PLS1: variants seen among roughly 807,000 people sequenced by gnomAD.
The protein encoded by PLS1 is plastin 1, also known as plastin-1.
In PLS1, 32 loss-of-function variants were observed where a neutral mutation model predicts 73.7. That is an observed-to-expected ratio of 0.43 (90% CI 0.33 to 0.58). The LOEUF (loss-of-function observed/expected upper bound fraction) is 0.58. Among genes scored for constraint, PLS1 ranks in the 20% least tolerant of loss-of-function variants. The pLI is 0.04. For synonymous variants in PLS1, 217 were observed against 261.3 expected (o/e 0.83, Z 1.63); for missense variants, 633 against 740.5 (o/e 0.85, Z 1.68).
intron 4 of PLS1, among the ~76,000 whole-genome samples, chr3:142,674,559 G>C (rs969362872): frequency 1.3e-5 from 2 of 152,076 alleles, no homozygotes; most frequent in Non-Finnish European, 2.9e-5. Flanking sequence ...TAATAATAAA[G>C]TTGTACAATG....
intron 1 of PLS1, among the ~76,000 whole-genome samples, chr3:142,604,224 AG>A (rs1461943020): frequency 6.6e-6 from 1 of 152,186 alleles, no homozygotes; most frequent in African/African-American, 2.4e-5. Flanking sequence ...CCTTGGACCA[AG>A]GGCTGCTTGG....
chr3:142,663,038 C>A (rs936080885), intron 1 of PLS1, among the ~76,000 whole-genome samples: 1 of 151,648 alleles, frequency 6.6e-6, no homozygotes, highest in African/African-American at 2.4e-5. Context: ...GGTGAAACCA[C>A]GTCTCTACTA....
chr3:142,661,130 A>G (rs1475629411), intron 1 of PLS1, among the ~76,000 whole-genome samples: 1 of 152,218 alleles, frequency 6.6e-6, no homozygotes, highest in African/African-American at 2.4e-5. Context: ...AGCATTTTGC[A>G]GACCCAGGGA....
Position 142,596,429 on chromosome 3 carries a change from G to C in PLS1, c.-117G>C, listed in dbSNP as rs2035816684. 6.6e-6 allele frequency: 1 copy of C among 152,346 alleles called. No individual in the cohort carries two copies. Among genetic ancestry groups the C allele is most frequent in the Non-Finnish European group, 1.5e-5 (1 of 68,124 alleles). 9.4% of individuals were successfully genotyped at this position (152,346 alleles called of 1,614,324 possible). On this transcript the variant is annotated 5_prime_UTR_variant, in exon 1 of 16. Transcript: ENST00000457734. ...CGCAGCGGCTACGCGGGCGCGGAGAGGTAGCCGCAGAGTGGACCTGCAGGT... is the reference window on the plus strand; with the variant it reads ...CGCAGCGGCTACGCGGGCGCGGAGACGTAGCCGCAGAGTGGACCTGCAGGT...
chr3:142,661,905 T>G (rs2037380643), intron 1 of PLS1, among the ~76,000 whole-genome samples: 1 of 152,172 alleles, frequency 6.6e-6, no homozygotes, highest in South Asian at 2.1e-4. Flanking sequence ...TTTATTCCTT[T>G]ACTTTCTTAA....
intron 1 of PLS1, among the ~76,000 whole-genome samples, chr3:142,610,295 G>T (rs1014901900): frequency 1.3e-5 from 2 of 152,084 alleles, no homozygotes; most frequent in African/African-American, 4.8e-5. Flanking sequence ...ACCCATCACC[G>T]TGCAGATAGC....
At chr3:142,610,578 A>G (rs1209922445) in intron 1 of PLS1, among the ~76,000 whole-genome samples, 1 of 152,068 alleles carries the variant, frequency 6.6e-6, no homozygotes, top group Non-Finnish European at 1.5e-5. Context: ...TTGTGATTCT[A>G]ATATTGTCTT....
At chr3:142,696,249 G>T (rs929660916) in intron 11 of PLS1, among the ~76,000 whole-genome samples, 1 of 152,218 alleles carries the variant, frequency 6.6e-6, no homozygotes, top group African/African-American at 2.4e-5. Flanking sequence ...GAACACTAGA[G>T]TTCTATCACT....
chr3:142,648,001 G>T (rs1371079468), intron 1 of PLS1, among the ~76,000 whole-genome samples: 1 of 152,182 alleles, frequency 6.6e-6, no homozygotes, highest in East Asian at 1.9e-4. Flanking sequence ...AGGGAGTCAT[G>T]TGTTTGCCAT....
chr3:142,619,203 T>C (rs2036271289), intron 1 of PLS1, among the ~76,000 whole-genome samples: 1 of 152,174 alleles, frequency 6.6e-6, no homozygotes, highest in Admixed American at 6.5e-5. Flanking sequence ...TTTATCTCTG[T>C]GAGTAGGAAA....
At chr3:142,659,683 T>G (rs1027277479) in intron 1 of PLS1, among the ~76,000 whole-genome samples, 47 of 151,884 alleles carry the variant, frequency 3.1e-4, no homozygotes, top group Non-Finnish European at 2.8e-4. Context: ...TTTTTTTTTT[T>G]TTGTTGTTGT....
At position 142,689,608 on chromosome 3, in the gene PLS1, T is replaced by C; in HGVS notation, c.982-10T>C. 6.7e-7 allele frequency: 1 copy of C among 1,491,482 alleles called. No homozygotes were observed. The highest frequency in any genetic ancestry group is 2.5e-5 in the East Asian group (1 of 40,320). The allele number at this position is 1,491,482 out of a possible 1,614,324, so 92.4% of individuals were successfully genotyped here. A position where few individuals can be genotyped will look rare whatever the true frequency, so the allele number is the denominator to read the frequency against. ...ACTTCAATTGTAACCATTTTTGTTT[T>C]ATTGTTTAGGAGACAAATGACCTGA... On this transcript the variant is annotated splice_polypyrimidine_tract_variant and intron_variant, in intron 9 of 15. Coordinates refer to ENST00000457734, the MANE Select transcript of PLS1 (RefSeq NM_001145319.2).
At chr3:142,648,211 T>TG (rs2037000884) in intron 1 of PLS1, among the ~76,000 whole-genome samples, 1 of 151,912 alleles carries the variant, frequency 6.6e-6, no homozygotes, top group South Asian at 2.1e-4. Flanking sequence ...TTGCTTTGAG[T>TG]GGGGGTAAAG....
chr3:142,598,554 A>G (rs1222324593), intron 1 of PLS1, among the ~76,000 whole-genome samples: 1 of 152,218 alleles, frequency 6.6e-6, no homozygotes, highest in Non-Finnish European at 1.5e-5. Flanking sequence ...CCTGTGACTC[A>G]AAGTGGAGAA....
chr3:142,618,266 C>G (rs1301423240), intron 1 of PLS1, among the ~76,000 whole-genome samples: 4 of 152,198 alleles, frequency 2.6e-5, no homozygotes, highest in East Asian at 1.9e-4. Context: ...CTGCCTACCC[C>G]CCACCCTGCT....
chr3:142,607,161 T>TA (rs918794929), intron 1 of PLS1, among the ~76,000 whole-genome samples: 10 of 151,328 alleles, frequency 6.6e-5, no homozygotes, highest in African/African-American at 7.3e-5. Context: ...TGTAGTGACT[T>TA]AAAAAAAAAC....
At position 142,631,778 on chromosome 3, in the gene PLS1, T is replaced by A. The variant is rs79168511; in HGVS notation, c.-36-32424T>A. 5.3e-5 allele frequency among the ~76,000 whole-genome samples: 8 copies of A among 150,194 alleles called. No homozygotes were observed. The East Asian group carries it at 1.6e-3, about 29-fold the overall frequency. ...AACCTGAAACTCTTAGAAGAAAACA[T>A]TGGGTGAAAGCTTCAGGACACTGAA... is the stretch of plus-strand genomic sequence containing the variant. On this transcript the variant is annotated intron_variant, in intron 1 of 15. Transcript: ENST00000457734.
At chr3:142,709,005 C>G (rs1932979948) in intron 14 of PLS1, among the ~76,000 whole-genome samples, 1 of 152,030 alleles carries the variant, frequency 6.6e-6, no homozygotes, top group Admixed American at 6.6e-5. Flanking sequence ...TAAAATAACA[C>G]AAATATGTAA....
At chr3:142,599,000 GAA>G (rs561633157) in intron 1 of PLS1, among the ~76,000 whole-genome samples, 2 of 139,368 alleles carry the variant, frequency 1.4e-5, no homozygotes, top group Admixed American at 1.4e-4. Context: ...GACTGCATCT[GAA>G]AAAAAAAAAA....
Sources: gnomAD v4.1 joint callset for allele counts (sites outside exome capture counted in the v4.1 genomes callset) on GRCh38, gnomAD v4.1.1 for gene constraint, MANE v1.5 for transcripts, NCBI Gene and HGNC (gene_info 2026-07-23, HGNC 2026-07-21) for gene names.